SLC26A2: variants seen among roughly 807,000 people sequenced by gnomAD.
The protein encoded by SLC26A2 is solute carrier family 26 member 2.
Under a neutral mutation model 41.1 loss-of-function variants are expected in SLC26A2, and 36 were observed. The ratio of observed to expected loss-of-function variants is 0.88; its 90% CI spans 0.67 to 1.16. SLC26A2 has a LOEUF of 1.16. Among genes scored for constraint, SLC26A2 ranks in the 50% most tolerant of loss-of-function variants. The pLI is 0.00. For synonymous variants in SLC26A2, 291 were observed against 311.6 expected, an observed-to-expected ratio of 0.93 and a Z score of 0.70; for missense variants, 796 against 869.6, an observed-to-expected ratio of 0.92 and a Z score of 1.07.
At chr5:149,962,488 G>A (rs567649913) in intron 1 of SLC26A2, among the ~76,000 whole-genome samples, 2 of 152,066 alleles carry the variant, frequency 1.3e-5, no homozygotes, top group South Asian at 2.1e-4. Context: ...ACAGGTGCAC[G>A]CTGCCATACC....
At chr5:149,967,236 G>T (rs189918928) in intron 1 of SLC26A2, among the ~76,000 whole-genome samples, 1 of 152,246 alleles carries the variant, frequency 6.6e-6, no homozygotes, top group Non-Finnish European at 1.5e-5. Flanking sequence ...ATAAGAATTA[G>T]ACTTTATAGC....
chr5:149,976,574 G>A lies in SLC26A2; in HGVS notation c.-25-1054G>A, dbSNP rs1251565668. Among the ~76,000 whole-genome samples the A allele has an allele frequency of 3.9e-5, 6 of 152,186 alleles. No homozygotes were observed. In the East Asian group the frequency reaches 5.8e-4, roughly 15 times the overall value. On this transcript the variant is annotated intron_variant, in intron 1 of 2. Coordinates refer to ENST00000286298, the MANE Select transcript of SLC26A2 (RefSeq NM_000112.4). ...ATGAAGCATTTGGTAAACAATTTAT[G>A]TTCTATTCCTTTGAGAGCCTGGTTC...
chr5:149,980,523 G>A lies in SLC26A2; in HGVS notation c.930G>A (p.Leu310=). Residue 310 remains leucine, a synonymous_variant, in exon 3 of 3, where the codon TTG becomes TTA. Coordinates refer to ENST00000286298, the MANE Select transcript of SLC26A2 (RefSeq NM_000112.4). ...TCTGTGATCTTATCACCAGCCTTTT[G>A]TGCCTTTTGGTTCTTTTGCCAACCA... The part of the protein sequence containing the change: ...TNLCDLITSL[L]CLLVLLPTKE... 6.2e-7 allele frequency: 1 copy of A among 1,614,096 alleles called. No homozygotes were observed. The highest frequency in any genetic ancestry group is 1.7e-5 in the Admixed American group (1 of 60,026).
chr5:149,980,458 A>G lies in SLC26A2; in HGVS notation c.865A>G (p.Thr289Ala), dbSNP rs1328378155. The change falls in exon 3 of 3, where the codon ACC becomes GCC. Residue 289 changes from threonine to alanine, a missense_variant. Transcript: ENST00000286298. ...RTNGVGSLIT[T>A]WIHVFRNIHK... ...TAATGGTGTGGGCTCACTCATCACTACCTGGATACATGTCTTCAGAAACAT... is the reference window on the plus strand; with the variant it reads ...TAATGGTGTGGGCTCACTCATCACTGCCTGGATACATGTCTTCAGAAACAT... The G allele has an allele frequency of 4.3e-6, 7 of 1,613,942 alleles. No individual in the cohort carries two copies. In the African/African-American group the frequency reaches 8.0e-5, roughly 18 times the overall value.
intron 1 of SLC26A2, among the ~76,000 whole-genome samples, chr5:149,967,576 A>G (rs774388542): frequency 1.3e-5 from 2 of 152,168 alleles, no homozygotes; most frequent in Non-Finnish European, 2.9e-5. Context: ...TCTAATATTA[A>G]TGTAGTGTAC....
chr5:149,982,064 A>T lies in SLC26A2; in HGVS notation c.*251A>T. The T allele has an allele frequency of 2.0e-6, 1 of 508,632 alleles. No individual in the cohort carries two copies. Among genetic ancestry groups the T allele is most frequent in the South Asian group, 2.3e-5 (1 of 43,756 alleles). The allele number at this position is 508,632 out of a possible 1,614,324, so 31.5% of individuals were successfully genotyped here. ...TATGAAGTATTCTTGGAATGCAATA[A>T]GTATGTATTGAACTGTACTGTAAAG... On this transcript the variant is annotated 3_prime_UTR_variant, in exon 3 of 3. Transcript: ENST00000286298.
At chr5:149,979,610 T>C (rs1395093482) in intron 2 of SLC26A2, among the ~76,000 whole-genome samples, 3 of 151,986 alleles carry the variant, frequency 2.0e-5, no homozygotes, top group African/African-American at 7.3e-5. Flanking sequence ...TGAAAACTTA[T>C]TAGACAGAGG....
rs1422623487 is a variant in SLC26A2 at position 149,978,285 on chromosome 5, A to AGCAAC, written c.633_634insGCAAC (p.Cys212AlafsTer16). ...TATTAAATCATACATCAGACAGGAT[A>AGCAAC]TGTGACAAAAGTTGCTATGCAATTA... On this transcript the variant is annotated frameshift_variant, in exon 2 of 3. Coordinates refer to ENST00000286298, the MANE Select transcript of SLC26A2 (RefSeq NM_000112.4). LOFTEE classifies it high-confidence loss of function. 1.2e-6 allele frequency: 2 copies of AGCAAC among 1,614,006 alleles called. No individual in the cohort carries two copies. Among genetic ancestry groups the AGCAAC allele is most frequent in the African/African-American group, 1.3e-5 (1 of 74,936 alleles).
intron 2 of SLC26A2, 99 bp from the exon 3 acceptor site, chr5:149,980,194 G>A: frequency 1.1e-6 from 1 of 897,712 alleles, no homozygotes; most frequent in South Asian, 1.3e-5. Context: ...ATTCTGTGAT[G>A]CTCTGATGAT....
In SLC26A2 at chr5:149,980,562, A is replaced by T; in HGVS notation, c.969A>T (p.Glu323Asp). 1 of 1,614,172 alleles carries T rather than the reference A, an allele frequency of 6.2e-7. No individual in the cohort carries two copies. Among genetic ancestry groups the T allele is most frequent in the African/African-American group, 1.3e-5 (1 of 75,054 alleles). Residue 323 changes from glutamate to aspartate, a missense_variant, in exon 3 of 3, where the codon GAA becomes GAT. Transcript: ENST00000286298. ...TTTTGCCAACCAAAGAACTCAATGA[A>T]CACTTCAAATCCAAGCTTAAGGCAC... ...LVLLPTKELN[E>D]HFKSKLKAPI...
chr5:149,978,767 A>C lies in SLC26A2; in HGVS notation c.699+416A>C, dbSNP rs1755041950. On this transcript the variant is annotated intron_variant, in intron 2 of 2. Coordinates refer to ENST00000286298, the MANE Select transcript of SLC26A2 (RefSeq NM_000112.4). Reference sequence around the variant, plus strand: ...CAGTGGCACTATCTTAGTTCACTGCAACGTCCGCCTCCCTGGCTCAAGCAG... The same window carrying C: ...CAGTGGCACTATCTTAGTTCACTGCCACGTCCGCCTCCCTGGCTCAAGCAG... Among the ~76,000 whole-genome samples, 4 of 151,962 alleles carry C rather than the reference A, an allele frequency of 2.6e-5. No individual in the cohort carries two copies. In the South Asian group the frequency reaches 8.3e-4, roughly 32 times the overall value.
At chr5:149,969,075 CCAA>C (rs1478955943) in intron 1 of SLC26A2, among the ~76,000 whole-genome samples, 2 of 152,110 alleles carry the variant, frequency 1.3e-5, no homozygotes. Flanking sequence ...AAATTTTTGT[CCAA>C]CAAAAGTCAA....
rs578096844 is a variant in SLC26A2 at position 149,985,500 on chromosome 5, A to G, written c.*3687A>G. 4 of 152,330 alleles carry G rather than the reference A, an allele frequency of 2.6e-5. No homozygotes were observed. Among genetic ancestry groups the G allele is most frequent in the South Asian group, 2.1e-4 (1 of 4,826 alleles). 9.4% of individuals were successfully genotyped at this position (152,330 alleles called of 1,614,324 possible). On this transcript the variant is annotated 3_prime_UTR_variant, in exon 3 of 3. Transcript: ENST00000286298. ...TGCTAATGGCTAGTACGTTTAAACA[A>G]AACAGCAGTTCTCTGCTGCAATATT...
At chr5:149,965,209 G>A (rs924535335) in intron 1 of SLC26A2, among the ~76,000 whole-genome samples, 2 of 152,128 alleles carry the variant, frequency 1.3e-5, no homozygotes, top group Non-Finnish European at 2.9e-5. Context: ...GTGGCTGGGC[G>A]CGGTGGCTCA....
At chr5:149,966,262 G>T (rs1014111942) in intron 1 of SLC26A2, among the ~76,000 whole-genome samples, 1 of 152,124 alleles carries the variant, frequency 6.6e-6, no homozygotes, top group African/African-American at 2.4e-5. Context: ...TCTCTGTCTA[G>T]CTCTAAAGTC....
In SLC26A2 at chr5:149,981,973, T is replaced by C. The variant is rs956059188; in HGVS notation, c.*160T>C. ...GCTAATGGCATTTGTATATACACACTGCAGCAGAGCTTGTAGCTGGACAGA... is the reference window on the plus strand; with the variant it reads ...GCTAATGGCATTTGTATATACACACCGCAGCAGAGCTTGTAGCTGGACAGA... On this transcript the variant is annotated 3_prime_UTR_variant, in exon 3 of 3. Coordinates refer to ENST00000286298, the MANE Select transcript of SLC26A2 (RefSeq NM_000112.4). The C allele has an allele frequency of 9.9e-6, 6 of 605,548 alleles. No homozygotes were observed. The highest frequency in any genetic ancestry group is 1.5e-5 in the Non-Finnish European group (5 of 344,094). The allele number at this position is 605,548 out of a possible 1,614,324, so 37.5% of individuals were successfully genotyped here.
Position 149,984,590 on chromosome 5 carries a change from G to A in SLC26A2, c.*2777G>A, listed in dbSNP as rs897955941. The A allele has an allele frequency of 6.6e-6, 1 of 152,312 alleles. No individual in the cohort carries two copies. The highest frequency in any genetic ancestry group is 1.5e-5 in the Non-Finnish European group (1 of 68,090). The allele number at this position is 152,312 out of a possible 1,614,324, so 9.4% of individuals were successfully genotyped here. Reference sequence around the variant, plus strand: ...GCAGGAGAATTACTTGAACCCGGGAGGCGGAGGTTGCAGTAAGCAGAGATT... The same window carrying A: ...GCAGGAGAATTACTTGAACCCGGGAAGCGGAGGTTGCAGTAAGCAGAGATT... On this transcript the variant is annotated 3_prime_UTR_variant, in exon 3 of 3. Transcript: ENST00000286298.
chr5:149,974,721 C>A lies in SLC26A2; in HGVS notation c.-25-2907C>A, dbSNP rs1023184251. On this transcript the variant is annotated intron_variant, in intron 1 of 2. Coordinates refer to ENST00000286298, the MANE Select transcript of SLC26A2 (RefSeq NM_000112.4). ...TACAGGTGTGAGCCACTGCACCCGG[C>A]CTTTTTTTTTTTTTTTTTTTTGAGA... Among the ~76,000 whole-genome samples, 9 of 117,200 alleles carry A rather than the reference C, an allele frequency of 7.7e-5. No homozygotes were observed. The Admixed American group carries it at 8.4e-4, about 11-fold the overall frequency. 76.9% of individuals were successfully genotyped at this position (117,200 alleles called of 152,430 possible). A position where few individuals can be genotyped will look rare whatever the true frequency, so the allele number is the denominator to read the frequency against.
rs1453093292 is a variant in SLC26A2 at position 149,980,953 on chromosome 5, C to G, written c.1360C>G (p.Gln454Glu). The G allele has an allele frequency of 6.2e-7, 1 of 1,614,172 alleles. No individual in the cohort carries two copies. Among genetic ancestry groups the G allele is most frequent in the South Asian group, 1.1e-5 (1 of 91,080 alleles). Residue 454 changes from glutamine to glutamate, a missense_variant, in exon 3 of 3, where the codon CAG (glutamine) becomes GAG (glutamate). Transcript: ENST00000286298. ...LVKESTGCHT[Q>E]LSGVVTALVL... ...TAAAGAATCAACAGGCTGCCATACT[C>G]AGCTTTCTGGTGTGGTAACAGCCCT... is the stretch of plus-strand genomic sequence containing the variant.
Sources: allele counts gnomAD v4.1 joint callset (sites outside exome capture counted in the v4.1 genomes callset), GRCh38; gene constraint gnomAD v4.1.1; transcripts MANE v1.5; gene names NCBI Gene and HGNC (gene_info 2026-07-23, HGNC 2026-07-21).